Variants in RAB2A observed in about 807,000 individuals in gnomAD.
RAB2A encodes the protein RAB2A, member RAS oncogene family, also known as ras-related protein Rab-2A.
A neutral mutation model predicts 32.5 loss-of-function variants in RAB2A; 7 were observed. That is an observed-to-expected ratio of 0.22 (90% CI 0.12 to 0.40). The LOEUF is 0.40. Ranked by LOEUF, RAB2A falls within the 10% of genes least tolerant of loss-of-function variation. RAB2A has a pLI of 1.00. For synonymous variants in RAB2A, 79 were observed against 85.2 expected, an observed-to-expected ratio of 0.93 and a Z score of 0.40; for missense variants, 108 against 260.7, an observed-to-expected ratio of 0.41 and a Z score of 4.03.
chr8:60,586,817 TACTC>T (rs1345897223), intron 5 of RAB2A, among the ~76,000 whole-genome samples: 15 of 151,736 alleles, frequency 9.9e-5, no homozygotes, highest in Non-Finnish European at 1.8e-4. Flanking sequence ...TAGCTCTACT[TACTC>T]AGGAAGCAGA....
chr8:60,591,349 T>C (rs909229428), intron 5 of RAB2A, among the ~76,000 whole-genome samples: 1 of 151,956 alleles, frequency 6.6e-6, no homozygotes, highest in Non-Finnish European at 1.5e-5. Context: ...ATATCAATTT[T>C]GCTTTAAGAG....
chr8:60,537,288 C>G (rs71525411), intron 1 of RAB2A, among the ~76,000 whole-genome samples: 4 of 152,176 alleles, frequency 2.6e-5, no homozygotes, highest in Non-Finnish European at 1.5e-5. Context: ...ATGGCGTGCT[C>G]TCAGCTCACT....
chr8:60,553,491 A>G (rs1055405180), intron 1 of RAB2A, among the ~76,000 whole-genome samples: 3 of 152,358 alleles, frequency 2.0e-5, no homozygotes, highest in Non-Finnish European at 2.9e-5. Context: ...ATTGAAGTAT[A>G]TTATGCACAC....
rs1372267520 is a variant in RAB2A at position 60,526,056 on chromosome 8, T to TATATATATATATA, written c.46+8804_46+8805insTATATATATATAA. On this transcript the variant is annotated intron_variant, in intron 1 of 7. Transcript: ENST00000262646. ...ATATATATATATATATATATATATA[T>TATATATATATATA]AAGTTTTCTGTTGCTAGCATAACAA... 2.4e-3 allele frequency among the ~76,000 whole-genome samples: 297 copies of TATATATATATATA among 125,502 alleles called. 6 individuals carry two copies. The highest frequency in any genetic ancestry group is 7.3e-3 in the East Asian group (29 of 3,972). The allele number at this position is 125,502 out of a possible 152,430, so 82.3% of individuals were successfully genotyped here. A position where few individuals can be genotyped will look rare whatever the true frequency, so the allele number is the denominator to read the frequency against.
chr8:60,557,258 A>G (rs1184939395), intron 1 of RAB2A, among the ~76,000 whole-genome samples: 3 of 152,140 alleles, frequency 2.0e-5, no homozygotes, highest in Non-Finnish European at 4.4e-5. Context: ...GCTCATGCCT[A>G]TAATCCCAGC....
chr8:60,603,083 A>G (rs1372439918), intron 6 of RAB2A, among the ~76,000 whole-genome samples: 5 of 152,238 alleles, frequency 3.3e-5, no homozygotes, highest in Admixed American at 6.5e-5. Context: ...GACATTTCAG[A>G]GAAGGTCATC....
intron 1 of RAB2A, among the ~76,000 whole-genome samples, chr8:60,542,186 T>A (rs1253952018): frequency 6.6e-6 from 1 of 152,180 alleles, no homozygotes; most frequent in East Asian, 1.9e-4. Context: ...GATGAGTAGC[T>A]GAGTAGACAA....
At chr8:60,556,091 G>A (rs1308130771) in intron 1 of RAB2A, among the ~76,000 whole-genome samples, 2 of 152,192 alleles carry the variant, frequency 1.3e-5, no homozygotes, top group Admixed American at 1.3e-4. Context: ...GTTATGTAAA[G>A]TGAAATAAGT....
At chr8:60,545,378 C>T (rs915752600) in intron 1 of RAB2A, among the ~76,000 whole-genome samples, 1 of 152,108 alleles carries the variant, frequency 6.6e-6, no homozygotes, top group Non-Finnish European at 1.5e-5. Flanking sequence ...GATAACATCT[C>T]AGCCTCCTGA....
chr8:60,547,474 C>T (rs1807752163), intron 1 of RAB2A, among the ~76,000 whole-genome samples: 1 of 151,726 alleles, frequency 6.6e-6, no homozygotes, highest in African/African-American at 2.4e-5. Flanking sequence ...TAGGCGCGGC[C>T]GGGCAGAGGC....
At chr8:60,599,501 C>T (rs10957150) in intron 6 of RAB2A, among the ~76,000 whole-genome samples, 1 of 151,814 alleles carries the variant, frequency 6.6e-6, no homozygotes, top group Non-Finnish European at 1.5e-5. Context: ...AAGGAGAATA[C>T]AATGGGATGA....
chr8:60,578,347 T>C (rs1803677034), intron 3 of RAB2A, among the ~76,000 whole-genome samples: 1 of 152,192 alleles, frequency 6.6e-6, no homozygotes, highest in South Asian at 2.1e-4. Flanking sequence ...TGCTTTTGGA[T>C]TTGTGAGGAG....
chr8:60,574,652 T>A (rs1322454296), intron 3 of RAB2A, among the ~76,000 whole-genome samples: 1 of 152,252 alleles, frequency 6.6e-6, no homozygotes, highest in Non-Finnish European at 1.5e-5. Context: ...ATTCATTTCC[T>A]AGTTGTCTGT....
At chr8:60,523,359 G>A (rs1267074627) in intron 1 of RAB2A, among the ~76,000 whole-genome samples, 1 of 150,632 alleles carries the variant, frequency 6.6e-6, no homozygotes, top group Non-Finnish European at 1.5e-5. Context: ...GGCTTTCACT[G>A]TGTTAGCCAG....
At chr8:60,595,270 C>T (rs936367811) in intron 6 of RAB2A, among the ~76,000 whole-genome samples, 1 of 152,208 alleles carries the variant, frequency 6.6e-6, no homozygotes, top group Non-Finnish European at 1.5e-5. Flanking sequence ...CAAGTAACCA[C>T]TGTCTGATGT....
chr8:60,572,292 T>C (rs1808208204), intron 3 of RAB2A, among the ~76,000 whole-genome samples, 179 bp downstream of exon 3: 1 of 152,186 alleles, frequency 6.6e-6, no homozygotes. Context: ...CTGTTTTCAA[T>C]AGATGGGCCC....
rs193238132 is a variant in RAB2A, at chr8:60,533,909, G to C, written c.46+16656G>C. Among the ~76,000 whole-genome samples the C allele has an allele frequency of 2.5e-3, 387 of 152,260 alleles. 2 individuals are homozygous for C. The highest frequency in any genetic ancestry group is 8.5e-3 in the Admixed American group (130 of 15,294). The stretch of plus-strand genomic sequence containing the variant: ...CGCTTGAAGGCGGAGGTTGCAGTGA[G>C]CTGGGATCGCACCACTATACTCCAG... On this transcript the variant is annotated intron_variant, in intron 1 of 7. Coordinates refer to ENST00000262646, the MANE Select transcript of RAB2A (RefSeq NM_002865.3).
intron 5 of RAB2A, among the ~76,000 whole-genome samples, chr8:60,585,698 A>G (rs1803835140): frequency 6.6e-6 from 1 of 152,210 alleles, no homozygotes; most frequent in South Asian, 2.1e-4. Context: ...TATGATAATG[A>G]AGACATCTCA....
Position 60,516,995 on chromosome 8 carries a change from G to T in RAB2A, c.-213G>T. The T allele has an allele frequency of 2.2e-6, 1 of 461,718 alleles. No individual in the cohort carries two copies. The highest frequency in any genetic ancestry group is 3.8e-6 in the Non-Finnish European group (1 of 260,294). The allele number at this position is 461,718 out of a possible 1,614,324, so 28.6% of individuals were successfully genotyped here. A position where few individuals can be genotyped will look rare whatever the true frequency, so the allele number is the denominator to read the frequency against. On this transcript the variant is annotated 5_prime_UTR_variant, in exon 1 of 8. Coordinates refer to ENST00000262646, the MANE Select transcript of RAB2A (RefSeq NM_002865.3). ...GCGCCGCGGCGGCTGTTATTGTTCGGCTGGGCTCGGTCGGGCGCTGTCTCC... is the reference window on the plus strand; with the variant it reads ...GCGCCGCGGCGGCTGTTATTGTTCGTCTGGGCTCGGTCGGGCGCTGTCTCC...
Sources: gnomAD v4.1 joint callset for allele counts (sites outside exome capture counted in the v4.1 genomes callset) on GRCh38, gnomAD v4.1.1 for gene constraint, MANE v1.5 for transcripts, NCBI Gene and HGNC (gene_info 2026-07-23, HGNC 2026-07-21) for gene names.